The following SYT16 variants were observed in gnomAD, a reference collection of about 807,000 sequenced individuals.
The protein encoded by SYT16 is synaptotagmin 16.
SYT16 carries 42 observed loss-of-function variants against 61.4 expected under a neutral mutation model. The ratio of observed to expected loss-of-function variants is 0.68; its 90% CI spans 0.53 to 0.89. SYT16 has a LOEUF of 0.89. Ranked by LOEUF, SYT16 falls within the 40% of genes least tolerant of loss-of-function variation. SYT16 has a pLI of 0.00. For synonymous variants in SYT16, 314 were observed against 302.3 expected (o/e 1.04, Z -0.40); for missense variants, 804 against 807.3 (o/e 1.00, Z 0.05).
intron 3 of SYT16, among the ~76,000 whole-genome samples, chr14:62,013,347 C>T (rs921427431): frequency 2.6e-5 from 4 of 152,162 alleles, no homozygotes; most frequent in Non-Finnish European, 4.4e-5. Flanking sequence ...ACTTCCAGCC[C>T]ATGCCTTTGC....
intron 3 of SYT16, among the ~76,000 whole-genome samples, chr14:62,043,893 G>C (rs1441153249): frequency 6.7e-6 from 1 of 150,268 alleles, no homozygotes; most frequent in Non-Finnish European, 1.5e-5. Context: ...GGCTAGTTTA[G>C]AACTCCTGGC....
intron 2 of SYT16, among the ~76,000 whole-genome samples, chr14:61,977,764 G>A (rs749242161): frequency 6.6e-6 from 1 of 151,898 alleles, no homozygotes; most frequent in African/African-American, 2.4e-5. Context: ...GTAAACATCT[G>A]GGTTGAAAAA....
At chr14:62,064,357 A>G (rs953381570) in intron 3 of SYT16, among the ~76,000 whole-genome samples, 1 of 150,562 alleles carries the variant, frequency 6.6e-6, no homozygotes, top group Admixed American at 6.6e-5. Context: ...AAAAAAAAAA[A>G]AGAAAACACT....
chr14:62,062,095 T>G (rs1414103129), intron 3 of SYT16, among the ~76,000 whole-genome samples: 5 of 152,222 alleles, frequency 3.3e-5, no homozygotes, highest in Admixed American at 2.0e-4. Flanking sequence ...GATTTTCTAT[T>G]TGACTCACTC....
At chr14:61,949,601 T>G (rs1405421607) in intron 1 of SYT16, among the ~76,000 whole-genome samples, 1 of 152,204 alleles carries the variant, frequency 6.6e-6, no homozygotes, top group African/African-American at 2.4e-5. Flanking sequence ...AGACTATAGA[T>G]GCTCACCACA....
chr14:62,001,550 T>C (rs1470384117), intron 3 of SYT16, among the ~76,000 whole-genome samples: 9 of 152,134 alleles, frequency 5.9e-5, no homozygotes, highest in African/African-American at 2.2e-4. Context: ...TGTTTGTGCA[T>C]GGACATGCAT....
chr14:61,931,173 G>A (rs932758207), intron 1 of SYT16, among the ~76,000 whole-genome samples: 1 of 152,000 alleles, frequency 6.6e-6, no homozygotes, highest in Non-Finnish European at 1.5e-5. Flanking sequence ...CACTGTCTAT[G>A]CAGCACCTCA....
At chr14:62,033,028 A>G (rs2140812972) in intron 3 of SYT16, among the ~76,000 whole-genome samples, 1 of 151,902 alleles carries the variant, frequency 6.6e-6, no homozygotes, top group East Asian at 1.9e-4. Flanking sequence ...CATGAAATTA[A>G]GGTACCACTG....
chr14:61,959,783 T>G (rs1035765272), intron 1 of SYT16, among the ~76,000 whole-genome samples: 5 of 152,158 alleles, frequency 3.3e-5, no homozygotes, highest in Non-Finnish European at 7.3e-5. Flanking sequence ...AAGAATTCCC[T>G]TGAGTACTTC....
At chr14:62,092,741 A>G (rs1042863179) in intron 7 of SYT16, among the ~76,000 whole-genome samples, 7 of 151,988 alleles carry the variant, frequency 4.6e-5, no homozygotes, top group African/African-American at 1.4e-4. Context: ...GGAAATGGGG[A>G]GTTATCATTT....
Position 62,069,813 on chromosome 14 carries a change from A to T in SYT16, c.734A>T (p.Glu245Val). 1 of 1,613,602 alleles carries T rather than the reference A, an allele frequency of 6.2e-7. No homozygotes were observed. The highest frequency in any genetic ancestry group is 8.5e-7 in the Non-Finnish European group (1 of 1,179,872). ...GEDGTEVSACEDLDGASQRRY... is the reference protein window; with the variant it reads ...GEDGTEVSACVDLDGASQRRY... ...GATGGCACAGAAGTATCTGCCTGCG[A>T]AGGTATCCTTTGCCTCACATCCTTT... Residue 245 changes from glutamate to valine, a missense_variant and splice_region_variant, in exon 4 of 8, where the codon GAA becomes GTA. Glu to Val is a moderately radical substitution (Grantham distance 121, BLOSUM62 -2). Coordinates refer to ENST00000683842, the MANE Select transcript of SYT16 (RefSeq NM_001367656.1).
At chr14:61,873,490 T>C (rs1368953267) in intron 1 of SYT16, among the ~76,000 whole-genome samples, 3 of 152,250 alleles carry the variant, frequency 2.0e-5, no homozygotes, top group Non-Finnish European at 4.4e-5. Context: ...ACTTACTGCC[T>C]ATGCCCATTG....
intron 3 of SYT16, among the ~76,000 whole-genome samples, chr14:61,999,392 G>A (rs942839210): frequency 2.0e-5 from 3 of 151,580 alleles, no homozygotes; most frequent in African/African-American, 7.3e-5. Flanking sequence ...TGTTGTTGAA[G>A]TTATGGACAT....
At chr14:61,961,209 G>C (rs1224124012) in intron 1 of SYT16, among the ~76,000 whole-genome samples, 2 of 152,084 alleles carry the variant, frequency 1.3e-5, no homozygotes, top group Non-Finnish European at 2.9e-5. Context: ...ATCAATCCTG[G>C]TAAAGATTTT....
At chr14:61,843,482 G>A (rs217702) in intron 1 of SYT16, among the ~76,000 whole-genome samples, 83,308 of 152,064 alleles carry the variant, frequency 0.55, 26,174 homozygotes, top group African/African-American at 0.88. Context: ...TTTTGCCCAG[G>A]CCAATGTCCT....
intron 3 of SYT16, among the ~76,000 whole-genome samples, chr14:62,060,158 T>C (rs1200971929): frequency 6.6e-6 from 1 of 152,096 alleles, no homozygotes; most frequent in East Asian, 1.9e-4. Context: ...AAAAAATATC[T>C]GTTTGGATTG....
chr14:61,945,893 G>A (rs1429287819), intron 1 of SYT16, among the ~76,000 whole-genome samples: 2 of 138,242 alleles, frequency 1.4e-5, no homozygotes, highest in Non-Finnish European at 3.1e-5. Context: ...AAAAGGATGA[G>A]TTAATGTCCT....
At chr14:61,880,676 A>G (rs2047670204) in intron 1 of SYT16, among the ~76,000 whole-genome samples, 1 of 152,128 alleles carries the variant, frequency 6.6e-6, no homozygotes. Context: ...GGTTAAATAC[A>G]TATTTTGTTA....
chr14:61,855,387 T>G (rs965859493), intron 1 of SYT16, among the ~76,000 whole-genome samples: 2 of 152,226 alleles, frequency 1.3e-5, no homozygotes, highest in African/African-American at 4.8e-5. Context: ...GAAAATGTGT[T>G]TAATACACAT....
Sources: gnomAD v4.1 joint callset for allele counts (sites outside exome capture counted in the v4.1 genomes callset) on GRCh38, gnomAD v4.1.1 for gene constraint, MANE v1.5 for transcripts, NCBI Gene and HGNC (gene_info 2026-07-23, HGNC 2026-07-21) for gene names.